Variants in GSPT1 observed in about 807,000 individuals in gnomAD.
GSPT1 encodes eukaryotic peptide chain release factor GTP-binding subunit ERF3A.
A neutral mutation model predicts 72.5 loss-of-function variants in GSPT1; 20 were observed. The observed-to-expected ratio is 0.28, with a 90% CI of 0.19 to 0.40. The LOEUF is 0.40. Among genes scored for constraint, GSPT1 ranks in the 10% least tolerant of loss-of-function variants. The pLI is 1.00. For missense variants in GSPT1, 580 were observed against 811.9 expected, an observed-to-expected ratio of 0.71 and a Z score of 3.47; for synonymous variants, 334 against 293.5, an observed-to-expected ratio of 1.14 and a Z score of -1.41.
intron 14 of GSPT1, among the ~76,000 whole-genome samples, chr16:11,875,178 G>A (rs991974346): frequency 6.6e-6 from 1 of 151,704 alleles, no homozygotes. Flanking sequence ...GACAGATCGA[G>A]ACTCCATCTC....
intron 1 of GSPT1, among the ~76,000 whole-genome samples, chr16:11,906,614 A>G (rs530547767): frequency 6.6e-6 from 1 of 152,228 alleles, no homozygotes; most frequent in Non-Finnish European, 1.5e-5. Flanking sequence ...AGCCTGGGCA[A>G]CAATGTGAGA....
intron 6 of GSPT1, 91 bp from the exon 7 acceptor site, chr16:11,887,841 A>C: frequency 1.2e-6 from 1 of 844,218 alleles, no homozygotes; most frequent in Non-Finnish European, 1.9e-6. Context: ...TGGATGACAC[A>C]CAACACCTAA....
chr16:11,889,318 C>G (rs1307061501), intron 6 of GSPT1, among the ~76,000 whole-genome samples: 1 of 148,736 alleles, frequency 6.7e-6, no homozygotes, highest in Admixed American at 6.8e-5. Flanking sequence ...GGCACCCCCA[C>G]CCCTCTTCTT....
At chr16:11,893,732 C>T (rs2054299187) in intron 5 of GSPT1, among the ~76,000 whole-genome samples, 1 of 152,148 alleles carries the variant, frequency 6.6e-6, no homozygotes, top group South Asian at 2.1e-4. Flanking sequence ...AAAATATACA[C>T]TGTCCTGAAA....
chr16:11,901,578 C>T (rs1398130990), intron 1 of GSPT1, among the ~76,000 whole-genome samples: 3 of 151,576 alleles, frequency 2.0e-5, no homozygotes, highest in African/African-American at 7.3e-5. Flanking sequence ...AAGTTTGAGA[C>T]CAGCCTGGGC....
intron 5 of GSPT1, among the ~76,000 whole-genome samples, chr16:11,892,256 T>A (rs1055796187): frequency 6.6e-6 from 1 of 151,226 alleles, no homozygotes; most frequent in Non-Finnish European, 1.5e-5. Context: ...AGTGAGAGGA[T>A]CACCTGAGCC....
At chr16:11,884,505 A>C (rs752959980) in intron 10 of GSPT1, among the ~76,000 whole-genome samples, 14 of 152,256 alleles carry the variant, frequency 9.2e-5, no homozygotes, top group Non-Finnish European at 1.8e-4. Flanking sequence ...CATGCCTGTA[A>C]GCCCAGCACT....
At chr16:11,896,829 A>G (rs1211595594) in intron 3 of GSPT1, 44 bp from the exon 4 acceptor site, 1 of 1,237,994 alleles carries the variant, frequency 8.1e-7, no homozygotes, top group East Asian at 2.5e-5. Context: ...AAAGACTTAC[A>G]ATCTATACTT....
At chr16:11,888,794 A>C (rs964021759) in intron 6 of GSPT1, among the ~76,000 whole-genome samples, 1 of 152,156 alleles carries the variant, frequency 6.6e-6, no homozygotes, top group Non-Finnish European at 1.5e-5. Flanking sequence ...AACTGAAAGA[A>C]TGTATTATTT....
rs1029429008 is a variant in GSPT1 at position 11,887,857 on chromosome 16, G to A, written c.777-107C>T. 1.8e-5 allele frequency: 14 copies of A among 772,606 alleles called. No homozygotes were observed. In the East Asian group the frequency reaches 2.0e-4, roughly 11 times the overall value. The allele number at this position is 772,606 out of a possible 1,614,324, so 47.9% of individuals were successfully genotyped here. On this transcript the variant is annotated intron_variant, in intron 6 of 14. Coordinates refer to ENST00000434724, the MANE Select transcript of GSPT1 (RefSeq NM_002094.4). ...GGATGACACACAACACCTAAATCAC[G>A]AACAAGATTGGTGAAATGAAAATTG... is the stretch of plus-strand genomic sequence containing the variant.
Position 11,877,604 on chromosome 16 carries a change from G to C in GSPT1, c.1429-24C>G. 6.6e-7 allele frequency: 1 copy of C among 1,506,950 alleles called. No individual in the cohort carries two copies. Among genetic ancestry groups the C allele is most frequent in the East Asian group, 2.3e-5 (1 of 43,230 alleles). 93.3% of individuals were successfully genotyped at this position (1,506,950 alleles called of 1,614,324 possible). On this transcript the variant is annotated intron_variant, in intron 11 of 14. Coordinates refer to ENST00000434724, the MANE Select transcript of GSPT1 (RefSeq NM_002094.4). The surrounding 1 kb of genome is among the most constrained non-coding windows in gnomAD (Gnocchi z 4.0). ...TGCTTTAAAAGAAAACAAGACTGGA[G>C]GTTTTCTGACACATTCACTGCATTA...
intron 1 of GSPT1, among the ~76,000 whole-genome samples, chr16:11,900,284 G>GATCA (rs1567447631): frequency 6.7e-6 from 1 of 149,148 alleles, no homozygotes; most frequent in Admixed American, 6.8e-5. Context: ...AGTGAGCCAA[G>GATCA]ATCACGTCAC....
rs367943367 is a variant in GSPT1 at position 11,883,032 on chromosome 16, C to T, written c.1411G>A (p.Val471Met). 1.8e-5 allele frequency: 29 copies of T among 1,601,740 alleles called. No homozygotes were observed. The highest frequency in any genetic ancestry group is 2.2e-5 in the East Asian group (1 of 44,812). Residue 471 changes from valine to methionine, a missense_variant, in exon 11 of 15, where the codon GTG becomes ATG. Transcript: ENST00000434724. Reference protein sequence around the residue: ...SGSICKGQQLVMMPNKHNVEV... With the variant: ...SGSICKGQQLMMMPNKHNVEV... Reference sequence around the variant, plus strand: ...ATTCTTACCTTGTTTGGCATCATCACAAGCTGCTGGCCTTTACAAATAGAT... The same window carrying T: ...ATTCTTACCTTGTTTGGCATCATCATAAGCTGCTGGCCTTTACAAATAGAT...
chr16:11,873,032 T>A lies in GSPT1; in HGVS notation c.*87A>T, dbSNP rs929100381. The A allele has an allele frequency of 8.1e-6, 6 of 743,212 alleles. No homozygotes were observed. In the African/African-American group the frequency reaches 1.1e-4, roughly 13 times the overall value. 46.0% of individuals were successfully genotyped at this position (743,212 alleles called of 1,614,324 possible). On this transcript the variant is annotated 3_prime_UTR_variant, in exon 15 of 15. Transcript: ENST00000434724. ...CAAAATATGGGGAGAGGTTTATCAA[T>A]GGGCAGAAAATAAGAGAAGGCGGTG...
chr16:11,895,861 G>T (rs559672407), intron 4 of GSPT1, among the ~76,000 whole-genome samples: 1 of 152,164 alleles, frequency 6.6e-6, no homozygotes, highest in Non-Finnish European at 1.5e-5. Context: ...TCCTGACCTC[G>T]TGATGTGCCC....
upstream of GSPT1, chr16:11,916,172 G>A (rs2054635353): frequency 2.7e-6 from 1 of 364,194 alleles, no homozygotes; most frequent in East Asian, 8.6e-5. Context: ...GACGGGAGTC[G>A]AAGTTCAGGG....
intron 1 of GSPT1, among the ~76,000 whole-genome samples, chr16:11,910,365 C>A (rs1157705527): frequency 2.0e-5 from 3 of 152,202 alleles, no homozygotes; most frequent in Non-Finnish European, 2.9e-5. Context: ...CTAGAGTACA[C>A]TGGGCATCTG....
intron 11 of GSPT1, chr16:11,881,133 C>T (rs9938242): frequency 0.43 from 65,518 of 152,186 alleles, 16,874 homozygotes; most frequent in Non-Finnish European, 0.59. Flanking sequence ...CTCCTGACCT[C>T]GTGATCCACC....
intron 14 of GSPT1, among the ~76,000 whole-genome samples, chr16:11,874,627 C>T (rs1016499601): frequency 6.6e-6 from 1 of 151,926 alleles, no homozygotes; most frequent in Admixed American, 6.6e-5. Context: ...ATAAGATAAA[C>T]CCAATAACCA....
Sources: allele counts gnomAD v4.1 joint callset (sites outside exome capture counted in the v4.1 genomes callset), GRCh38; gene constraint gnomAD v4.1.1; non-coding constraint Gnocchi (gnomAD v3.1); transcripts MANE v1.5; gene names NCBI Gene and HGNC (gene_info 2026-07-23, HGNC 2026-07-21).